The following AKAP13 variants were observed in gnomAD, a reference collection of about 807,000 sequenced individuals.
AKAP13 encodes A-kinase anchoring protein 13.
AKAP13 carries 80 observed loss-of-function variants against 264.5 expected under a neutral mutation model. That is an observed-to-expected ratio of 0.30 (90% CI 0.25 to 0.36). AKAP13 has a LOEUF of 0.36. Ranked by LOEUF, AKAP13 falls within the 10% of genes least tolerant of loss-of-function variation. The pLI is 1.00. For synonymous variants in AKAP13, 1,380 were observed against 1,250.2 expected, an observed-to-expected ratio of 1.10 and a Z score of -2.19; for missense variants, 3,712 against 3,435.2, an observed-to-expected ratio of 1.08 and a Z score of -2.01.
intron 1 of AKAP13, among the ~76,000 whole-genome samples, chr15:85,439,483 T>G (rs1165883538): frequency 5.2e-4 from 79 of 151,662 alleles, no homozygotes; most frequent in Admixed American, 3.1e-3. Flanking sequence ...TATACCCAAA[T>G]GACTATAAAT....
At chr15:85,604,069 T>C (rs910572156) in intron 8 of AKAP13, among the ~76,000 whole-genome samples, 6 of 152,210 alleles carry the variant, frequency 3.9e-5, no homozygotes, top group African/African-American at 1.4e-4. Flanking sequence ...TTCAGCAAGG[T>C]TGATATCTAG....
chr15:85,636,128 A>C (rs2082061679), intron 8 of AKAP13, among the ~76,000 whole-genome samples: 1 of 152,172 alleles, frequency 6.6e-6, no homozygotes, highest in Admixed American at 6.5e-5. Flanking sequence ...AGTCTTACTC[A>C]TATTTTCTTA....
intron 1 of AKAP13, among the ~76,000 whole-genome samples, chr15:85,464,226 G>A (rs1290724077): frequency 6.6e-6 from 1 of 152,120 alleles, no homozygotes; most frequent in East Asian, 1.9e-4. Flanking sequence ...TGTTGTGCCT[G>A]TGCCCATCCT....
intron 5 of AKAP13, among the ~76,000 whole-genome samples, chr15:85,566,966 A>G (rs1008673774): frequency 5.9e-5 from 9 of 152,170 alleles, no homozygotes; most frequent in African/African-American, 4.8e-5. Context: ...AATAATTTGT[A>G]CAAGTAAGGC....
chr15:85,610,574 T>C (rs1395226018), intron 8 of AKAP13, among the ~76,000 whole-genome samples: 3 of 152,240 alleles, frequency 2.0e-5, no homozygotes, highest in Non-Finnish European at 4.4e-5. Context: ...AATTATTTAT[T>C]GTCAGGTTAG....
intron 8 of AKAP13, among the ~76,000 whole-genome samples, chr15:85,637,770 A>G (rs568295364): frequency 6.6e-6 from 1 of 151,936 alleles, no homozygotes; most frequent in African/African-American, 2.4e-5. Flanking sequence ...TATTGCTGTT[A>G]GCACTGCTTT....
intron 8 of AKAP13, among the ~76,000 whole-genome samples, chr15:85,613,537 T>C (rs1596719600): frequency 6.6e-6 from 1 of 151,494 alleles, no homozygotes; most frequent in East Asian, 2.0e-4. Flanking sequence ...GAAAATTAGC[T>C]GGGCGTGGTG....
rs992078704 is a variant in AKAP13, at chr15:85,579,309, G to T, written c.1241G>T (p.Gly414Val). Residue 414 changes from glycine (G) to valine (V), a missense_variant, in exon 7 of 37, where the codon GGC becomes GTC. By Grantham distance (109) the Gly-to-Val change is moderately radical. Coordinates refer to ENST00000394518, the MANE Select transcript of AKAP13 (RefSeq NM_007200.5). ...LPDCGVKGTE[G>V]LSSCGNRNEE... ...GATTGTGGAGTAAAGGGCACGGAAG[G>T]CCTTTCGTCCTGTGGAAACAGAAAT... is the stretch of plus-strand genomic sequence containing the variant. 3 of 1,614,102 alleles carry T rather than the reference G, an allele frequency of 1.9e-6. No homozygotes were observed. Among genetic ancestry groups the T allele is most frequent in the Non-Finnish European group, 2.5e-6 (3 of 1,180,034 alleles).
intron 13 of AKAP13, among the ~76,000 whole-genome samples, chr15:85,665,232 C>T (rs1049004553): frequency 8.5e-5 from 13 of 152,156 alleles, no homozygotes; most frequent in East Asian, 5.8e-4. Context: ...ATAAAGACTA[C>T]GTTAATCTGC....
At chr15:85,431,771 G>A (rs113782745) in intron 1 of AKAP13, among the ~76,000 whole-genome samples, 1 of 152,128 alleles carries the variant, frequency 6.6e-6, no homozygotes, top group South Asian at 2.1e-4. Flanking sequence ...CAATATTCTT[G>A]CTTGTAGGCA....
At chr15:85,506,840 G>C (rs1274375891) in intron 2 of AKAP13, among the ~76,000 whole-genome samples, 3 of 152,202 alleles carry the variant, frequency 2.0e-5, no homozygotes, top group African/African-American at 4.8e-5. Flanking sequence ...TATAAAGGCT[G>C]ATCCTTGGCA....
At chr15:85,469,416 C>G (rs1474185511) in intron 1 of AKAP13, among the ~76,000 whole-genome samples, 1 of 152,040 alleles carries the variant, frequency 6.6e-6, no homozygotes, top group African/African-American at 2.4e-5. Context: ...TACCTCTTTC[C>G]AGGTAGTTCC....
At chr15:85,565,950 G>C (rs1053467776) in intron 5 of AKAP13, among the ~76,000 whole-genome samples, 2 of 152,192 alleles carry the variant, frequency 1.3e-5, no homozygotes, top group Non-Finnish European at 2.9e-5. Flanking sequence ...TCTGTATAAA[G>C]CCTCTGAGCT....
At chr15:85,572,252 CTTT>C (rs756276552) in intron 5 of AKAP13, among the ~76,000 whole-genome samples, 10 of 152,192 alleles carry the variant, frequency 6.6e-5, no homozygotes, top group East Asian at 5.8e-4. Flanking sequence ...TTTCAGAGAT[CTTT>C]TTTGTTGGAA....
chr15:85,583,273 G>A, intron 7 of AKAP13: 1 of 776,710 alleles, frequency 1.3e-6, no homozygotes. Context: ...GTTATGGAGA[G>A]AAATGAATCA....
At chr15:85,710,259 G>A (rs1287351245) in intron 18 of AKAP13, among the ~76,000 whole-genome samples, 5 of 152,194 alleles carry the variant, frequency 3.3e-5, no homozygotes, top group South Asian at 2.1e-4. Context: ...GCCAGTCACT[G>A]CCTTGGGTGA....
Position 85,452,657 on chromosome 15 carries a change from G to C in AKAP13, c.-11-33053G>C, listed in dbSNP as rs117179343. Among the ~76,000 whole-genome samples, 672 of 152,294 alleles carry C rather than the reference G, an allele frequency of 4.4e-3. 2 individuals carry two copies. Among genetic ancestry groups the C allele is most frequent in the Non-Finnish European group, 7.8e-3 (531 of 68,030 alleles). ...TATGTCAGGTATCTTTGGTGTTAAA[G>C]CTTTGGGGTATGATCCAGCAGGTGG... On this transcript the variant is annotated intron_variant, in intron 1 of 36. Transcript: ENST00000394518.
chr15:85,478,036 ATC>A (rs2075231190), intron 1 of AKAP13, among the ~76,000 whole-genome samples: 1 of 151,990 alleles, frequency 6.6e-6, no homozygotes, highest in Non-Finnish European at 1.5e-5. Context: ...TCTTCCAGTA[ATC>A]TCTGTCTGGA....
intron 19 of AKAP13, among the ~76,000 whole-genome samples, chr15:85,713,658 C>T (rs925341452): frequency 2.0e-5 from 3 of 152,032 alleles, no homozygotes; most frequent in Non-Finnish European, 2.9e-5. Context: ...TTTAGAATGT[C>T]GGGTTTCTGC....
Sources: allele counts gnomAD v4.1 joint callset (sites outside exome capture counted in the v4.1 genomes callset), GRCh38; gene constraint gnomAD v4.1.1; transcripts MANE v1.5; gene names NCBI Gene and HGNC (gene_info 2026-07-23, HGNC 2026-07-21).